SLCO4C1: variants seen among roughly 807,000 people sequenced by gnomAD.
SLCO4C1 encodes organic anion transporter M1.
In SLCO4C1, 58 loss-of-function variants were observed where a neutral mutation model predicts 72.1. The observed-to-expected ratio is 0.80, with a 90% CI of 0.65 to 1.00. SLCO4C1 has a LOEUF of 1.00. Ranked by LOEUF, SLCO4C1 falls within the 50% of genes least tolerant of loss-of-function variation. SLCO4C1 has a pLI of 0.00. For missense variants in SLCO4C1, 898 were observed against 857.9 expected (o/e 1.05, Z -0.58); for synonymous variants, 297 against 312.5 (o/e 0.95, Z 0.52).
intron 10 of SLCO4C1, among the ~76,000 whole-genome samples, chr5:102,243,928 C>T (rs961252731): frequency 2.0e-5 from 3 of 152,138 alleles, no homozygotes; most frequent in Non-Finnish European, 2.9e-5. Context: ...TTCACACCTG[C>T]AATTCCCAGC....
At chr5:102,248,325 C>T (rs527817495) in intron 9 of SLCO4C1, among the ~76,000 whole-genome samples, 1 of 152,070 alleles carries the variant, frequency 6.6e-6, no homozygotes, top group African/African-American at 2.4e-5. Flanking sequence ...ATTTCATGGA[C>T]TGATTGGACA....
intron 10 of SLCO4C1, among the ~76,000 whole-genome samples, chr5:102,242,292 A>G (rs768411038): frequency 9.2e-5 from 14 of 152,228 alleles, no homozygotes; most frequent in Non-Finnish European, 4.4e-5. Flanking sequence ...CTCTTGGGCA[A>G]GTCTTAGTGC....
intron 2 of SLCO4C1, among the ~76,000 whole-genome samples, chr5:102,279,688 CAG>C (rs1749317360): frequency 1.3e-5 from 2 of 151,850 alleles, no homozygotes; most frequent in African/African-American, 4.8e-5. Flanking sequence ...TAGTACCAAA[CAG>C]AATTCACAAA....
chr5:102,251,949 T>C (rs1561368620), intron 8 of SLCO4C1, among the ~76,000 whole-genome samples: 1 of 148,322 alleles, frequency 6.7e-6, no homozygotes, highest in Non-Finnish European at 1.5e-5. Context: ...GAACTAGAAA[T>C]GACAGATTGA....
intron 10 of SLCO4C1, among the ~76,000 whole-genome samples, chr5:102,243,808 A>C (rs932565630): frequency 6.6e-6 from 1 of 152,206 alleles, no homozygotes; most frequent in Non-Finnish European, 1.5e-5. Flanking sequence ...AATTTAAAAT[A>C]GCTGTGCTGA....
chr5:102,255,008 G>T (rs915843510), intron 8 of SLCO4C1, among the ~76,000 whole-genome samples: 2 of 150,828 alleles, frequency 1.3e-5, no homozygotes, highest in African/African-American at 4.8e-5. Context: ...CTAAGAATTT[G>T]GGGCCATGAG....
In SLCO4C1 at chr5:102,236,965, A is replaced by G; in HGVS notation, c.2068T>C (p.Tyr690His). ...TCTGTGGCTGATGGAGGTGGTTTAT[A>G]CAAAAAGATTGCAAATCCATTGAAG... ...MFFNGFAIFL[Y>H]KPPPSATDVS... The change falls in exon 13 of 13, where the codon TAT (tyrosine) becomes CAT (histidine). Residue 690 changes from tyrosine (Y) to histidine (H), a missense_variant. Coordinates refer to ENST00000310954, the MANE Select transcript of SLCO4C1 (RefSeq NM_180991.5). The G allele has an allele frequency of 6.2e-7, 1 of 1,612,268 alleles. No individual in the cohort carries two copies. Among genetic ancestry groups the G allele is most frequent in the Non-Finnish European group, 8.5e-7 (1 of 1,179,634 alleles).
intron 2 of SLCO4C1, among the ~76,000 whole-genome samples, chr5:102,279,702 A>G (rs1379190963): frequency 6.6e-6 from 1 of 152,056 alleles, no homozygotes; most frequent in East Asian, 1.9e-4. Flanking sequence ...ATTCACAAAT[A>G]TATCCAAAGA....
In SLCO4C1 at chr5:102,257,070, C is replaced by T. The variant is rs780312118; in HGVS notation, c.1469+45G>A. On this transcript the variant is annotated intron_variant, in intron 8 of 12. Transcript: ENST00000310954. ...AAACATATGCTTGGAAATGCTTAGT[C>T]TATTATTCTGGTATTAATATCAAAA... is the stretch of plus-strand genomic sequence containing the variant. The T allele has an allele frequency of 8.0e-6, 11 of 1,373,362 alleles. No individual in the cohort carries two copies. In the East Asian group the frequency reaches 8.0e-5, roughly 10 times the overall value. The allele number at this position is 1,373,362 out of a possible 1,614,324, so 85.1% of individuals were successfully genotyped here. A position where few individuals can be genotyped will look rare whatever the true frequency, so the allele number is the denominator to read the frequency against.
chr5:102,263,612 T>C, intron 4 of SLCO4C1, 72 bp downstream of exon 4: 1 of 1,237,528 alleles, frequency 8.1e-7, no homozygotes, highest in Admixed American at 2.0e-5. Flanking sequence ...ACTGTGAAAA[T>C]GTTCTGTCTA....
At chr5:102,244,332 A>G (rs912452733) in intron 10 of SLCO4C1, among the ~76,000 whole-genome samples, 7 of 152,212 alleles carry the variant, frequency 4.6e-5, no homozygotes, top group African/African-American at 1.7e-4. Flanking sequence ...TTGAAAATAT[A>G]CAGTCATAGG....
chr5:102,253,606 A>G (rs1033114896), intron 8 of SLCO4C1, among the ~76,000 whole-genome samples: 1 of 152,100 alleles, frequency 6.6e-6, no homozygotes, highest in African/African-American at 2.4e-5. Context: ...CAGGAGTTCA[A>G]GATCAGCCTG....
intron 11 of SLCO4C1, among the ~76,000 whole-genome samples, chr5:102,240,491 GATTTT>G (rs1561364359): frequency 2.0e-5 from 3 of 152,040 alleles, no homozygotes. Context: ...CACCTTTTAA[GATTTT>G]ATTAGCAACA....
intron 8 of SLCO4C1, among the ~76,000 whole-genome samples, chr5:102,254,344 C>T (rs938395881): frequency 2.8e-4 from 42 of 152,082 alleles, no homozygotes; most frequent in African/African-American, 9.4e-4. Flanking sequence ...GCCATTTTTC[C>T]CAGAGTACAC....
intron 2 of SLCO4C1, among the ~76,000 whole-genome samples, chr5:102,273,462 C>T (rs964161578): frequency 1.3e-5 from 2 of 152,050 alleles, no homozygotes; most frequent in Non-Finnish European, 2.9e-5. Context: ...GATAAAGTCA[C>T]TTATGCAGAA....
intron 1 of SLCO4C1, among the ~76,000 whole-genome samples, chr5:102,294,939 TATACAGAAAATATTCTCGGACTA>T (rs2112410201): frequency 6.6e-6 from 1 of 152,352 alleles, no homozygotes; most frequent in South Asian, 2.1e-4. Flanking sequence ...CTTGACTGAT[TATACAGAAAATATTCTCGGACTA>T]TGACTCAAGT....
In SLCO4C1 at chr5:102,257,977, G is replaced by C. The variant is rs148805542; in HGVS notation, c.1239C>G (p.Phe413Leu). 1 of 1,606,336 alleles carries C rather than the reference G, an allele frequency of 6.2e-7. No individual in the cohort carries two copies. Among genetic ancestry groups the C allele is most frequent in the South Asian group, 1.1e-5 (1 of 88,646 alleles). Residue 413 changes from phenylalanine to leucine, a missense_variant, in exon 7 of 13, where the codon TTC becomes TTG. Physicochemically the swap from Phe to Leu is conservative, Grantham distance 22. Coordinates refer to ENST00000310954, the MANE Select transcript of SLCO4C1 (RefSeq NM_180991.5). ...TAGCTGCGAAGCTGGATGTCAATCC[G>C]AATTGATTTTCTATAAATTTAGGTA... ...TFLPKFIENQFGLTSSFAATL... is the reference protein window; with the variant it reads ...TFLPKFIENQLGLTSSFAATL...
intron 2 of SLCO4C1, among the ~76,000 whole-genome samples, chr5:102,287,990 G>C (rs1036646520): frequency 2.6e-5 from 4 of 152,028 alleles, no homozygotes; most frequent in African/African-American, 9.7e-5. Flanking sequence ...CTTCTGTTAA[G>C]AAAAATCACA....
intron 2 of SLCO4C1, among the ~76,000 whole-genome samples, chr5:102,286,247 C>T (rs545045141): frequency 1.4e-4 from 22 of 152,110 alleles, no homozygotes; most frequent in African/African-American, 3.1e-4. Flanking sequence ...TATAGTGCAA[C>T]GTAGGAAAAA....
Sources: gnomAD v4.1 joint callset for allele counts (sites outside exome capture counted in the v4.1 genomes callset) on GRCh38, gnomAD v4.1.1 for gene constraint, MANE v1.5 for transcripts, NCBI Gene and HGNC (gene_info 2026-07-23, HGNC 2026-07-21) for gene names.